ABCA2: variants seen among roughly 807,000 people sequenced by gnomAD.
The protein encoded by ABCA2 is ATP-binding cassette sub-family A member 2.
In ABCA2, 84 loss-of-function variants were observed where a neutral mutation model predicts 262.8. The ratio of observed to expected loss-of-function variants is 0.32; its 90% confidence interval spans 0.27 to 0.38. The LOEUF (loss-of-function observed/expected upper bound fraction) is 0.38. ABCA2 is among the 10% of genes least tolerant of loss of function. ABCA2 has a pLI of 1.00. For synonymous variants in ABCA2, 1,696 were observed against 1,502.9 expected, an observed-to-expected ratio of 1.13 and a Z score of -2.97; for missense variants, 2,662 against 3,405.9, an observed-to-expected ratio of 0.78 and a Z score of 5.44.
Position 137,015,769 on chromosome 9 carries a change from G to A in ABCA2, c.3420C>T (p.Gly1140=), listed in dbSNP as rs781193196. The A allele has an allele frequency of 1.9e-5, 30 of 1,612,266 alleles. No individual in the cohort carries two copies. Among genetic ancestry groups the A allele is most frequent in the South Asian group, 1.8e-4 (16 of 91,074 alleles). The part of the protein sequence containing the change: ...RKLSVAIAFV[G]GSRAIILDEP... ...CGTCCAGGATGATGGCGCGAGAGCCGCCCACGAAGGCGATGGCCACGGACA... is the reference window on the plus strand; with the variant it reads ...CGTCCAGGATGATGGCGCGAGAGCCACCCACGAAGGCGATGGCCACGGACA... The change falls in exon 23 of 49, where the codon GGC becomes GGT. Residue 1140 remains glycine (G), a synonymous_variant. Transcript: ENST00000341511.
rs752250283 is a variant in ABCA2, at chr9:137,012,978, C to G, written c.4867+24G>C. 4.2e-5 allele frequency: 62 copies of G among 1,480,646 alleles called. No homozygotes were observed. In the South Asian group the frequency reaches 5.6e-4, roughly 13 times the overall value. 91.7% of individuals were successfully genotyped at this position (1,480,646 alleles called of 1,614,324 possible). ...AGGACCCCTCACTGCCCCTGCCCCC[C>G]CAGCAGGCCCCCTGAACCACTACCT... is the stretch of plus-strand genomic sequence containing the variant. On this transcript the variant is annotated intron_variant, in intron 30 of 48. Coordinates refer to ENST00000341511, the MANE Select transcript of ABCA2 (RefSeq NM_001606.5).
In ABCA2 at chr9:137,011,216, C is replaced by G. The variant is rs750824892; in HGVS notation, c.5893G>C (p.Glu1965Gln). Residue 1965 changes from glutamate (E) to glutamine (Q), a missense_variant, in exon 38 of 49, where the codon GAG becomes CAG. Transcript: ENST00000341511. This position sits in a 1 kb window ranked among gnomAD's most constrained non-coding sequence, Gnocchi z 8.8. Reference protein sequence around the residue: ...GHGLMEMAYNEYINEYYAKIG... With the variant: ...GHGLMEMAYNQYINEYYAKIG... Reference sequence around the variant, plus strand: ...TTGGCGTAGTACTCGTTGATGTACTCGTTGTAGGCCATCTCCATGAGCCCG... The same window carrying G: ...TTGGCGTAGTACTCGTTGATGTACTGGTTGTAGGCCATCTCCATGAGCCCG... The G allele has an allele frequency of 3.7e-6, 6 of 1,612,522 alleles. No homozygotes were observed. The highest frequency in any genetic ancestry group is 5.1e-6 in the Non-Finnish European group (6 of 1,179,862).
At position 137,015,432 on chromosome 9, in the gene ABCA2, C is replaced by T. The variant is rs761458251; in HGVS notation, c.3679G>A (p.Glu1227Lys). 5.1e-6 allele frequency: 8 copies of T among 1,563,856 alleles called. No individual in the cohort carries two copies. The highest frequency in any genetic ancestry group is 2.3e-5 in the South Asian group (2 of 85,894). Residue 1227 changes from glutamate (E) to lysine (K), a missense_variant, in exon 24 of 49, where the codon GAG (glutamate) becomes AAG (lysine). This residue lies in a region of ABCA2 where 297 missense variants were observed against 286.5 expected (regional missense o/e 1.04). Coordinates refer to ENST00000341511, the MANE Select transcript of ABCA2 (RefSeq NM_001606.5). ...YRLTLVKRPA[E>K]PGGPQEPGLA... ...CACAGACCTTGGGGGCCCCCCGGCTCGGCGGGCCGCTTGACCAGCGTGAGG... is the reference window on the plus strand; with the variant it reads ...CACAGACCTTGGGGGCCCCCCGGCTTGGCGGGCCGCTTGACCAGCGTGAGG...
At chr9:137,010,947 C>A in intron 39 of ABCA2, 26 bp downstream of exon 39, 2 of 773,590 alleles carry the variant, frequency 2.6e-6, no homozygotes, top group Non-Finnish European at 4.2e-6. Flanking sequence ...CCGCCCCGCC[C>A]CCGCCCCACC....
chr9:137,016,827 C>T (rs144882751), intron 19 of ABCA2, 89 bp from the exon 20 acceptor site: 50 of 1,556,728 alleles, frequency 3.2e-5, no homozygotes, highest in African/African-American at 5.4e-5. Flanking sequence ...GGGAGCCACC[C>T]GTGCTGCATC....
chr9:137,017,761 T>C (rs1366439368), intron 16 of ABCA2, 26 bp downstream of exon 16: 1 of 1,610,880 alleles, frequency 6.2e-7, no homozygotes, highest in African/African-American at 1.3e-5. Flanking sequence ...AGCCCGCGCC[T>C]CCAGGGAGAG....
rs747278607 is a variant in ABCA2 at position 137,015,809 on chromosome 9, C to T, written c.3380G>A (p.Gly1127Asp). ...RHSLVQTLSG[G>D]MKRKLSVAIA... is the part of the protein sequence containing the mutation. ...GGCCACGGACAGCTTGCGCTTCATG[C>T]CACCCGACAATGTCTGCACCAGTGA... Residue 1127 changes from glycine (G) to aspartate (D), a missense_variant, in exon 23 of 49, where the codon GGC becomes GAC. This residue lies in a region of ABCA2 where 180 missense variants were observed against 307.3 expected (regional missense o/e 0.59). Coordinates refer to ENST00000341511, the MANE Select transcript of ABCA2 (RefSeq NM_001606.5). 1 of 1,612,344 alleles carries T rather than the reference C, an allele frequency of 6.2e-7. No homozygotes were observed. The highest frequency in any genetic ancestry group is 1.7e-5 in the Admixed American group (1 of 60,020).
chr9:137,023,732 G>C (rs191727635), intron 3 of ABCA2, 106 bp downstream of exon 3: 4 of 710,850 alleles, frequency 5.6e-6, no homozygotes, highest in East Asian at 2.7e-5. Context: ...CAGGGGGCCC[G>C]GGAGGGCTGT....
rs773807638 is a variant in ABCA2 at position 137,017,629 on chromosome 9, C to T, written c.2275G>A (p.Val759Met). ...GCTGTCACGGAGATGGACAGCTGCA[C>T]AAAGCCGGTGATGAACCAGGCCACC... ...HWVAWFITGF[V>M]QLSISVTALT... is the part of the protein sequence containing the mutation. The change falls in exon 17 of 49, where the codon GTG becomes ATG. Residue 759 changes from valine to methionine, a missense_variant. By Grantham distance (21) the Val-to-Met change is conservative (BLOSUM62 1). Coordinates refer to ENST00000341511, the MANE Select transcript of ABCA2 (RefSeq NM_001606.5). The T allele has an allele frequency of 1.4e-5, 22 of 1,612,772 alleles. 1 individual carries two copies. In the East Asian group the frequency reaches 2.2e-4, roughly 16 times the overall value.
At position 137,008,732 on chromosome 9, in the gene ABCA2, T is replaced by C. The variant is rs376935835; in HGVS notation, c.7067A>G (p.Asn2356Ser). Residue 2356 changes from asparagine (N) to serine (S), a missense_variant and splice_region_variant, in exon 47 of 49, where the codon AAT becomes AGT. Asn to Ser is a conservative substitution (Grantham distance 46, BLOSUM62 1). Around this residue, in one of 12 missense-constraint regions of ABCA2, gnomAD observed 212 missense variants for 214.4 expected, o/e 0.99. Transcript: ENST00000341511. ...GCGCAGTGCCCTTGGGGCGCTCACA[T>C]TGTCCAGTGTGGTCTGGCTGACCGA... The part of the protein sequence containing the change: ...DYSVSQTTLD[N>S]VFVNFAKKQS... 40 of 1,578,806 alleles carry C rather than the reference T, an allele frequency of 2.5e-5. No homozygotes were observed. The highest frequency in any genetic ancestry group is 3.3e-5 in the Non-Finnish European group (38 of 1,163,510).
At chr9:137,022,268 G>A (rs1564230017) in intron 6 of ABCA2, 83 bp downstream of exon 6, 18 of 1,477,530 alleles carry the variant, frequency 1.2e-5, no homozygotes, top group Non-Finnish European at 1.5e-5. Flanking sequence ...CTCAGGCTGA[G>A]CATCCTGAGG....
In ABCA2 at chr9:137,009,852, G is replaced by T. The variant is rs762331209; in HGVS notation, c.6547C>A (p.Pro2183Thr). 6.2e-7 allele frequency: 1 copy of T among 1,612,402 alleles called. No individual in the cohort carries two copies. The highest frequency in any genetic ancestry group is 1.7e-4 in the Middle Eastern group (1 of 6,054). ...KLELTKYADK[P>T]AGTYSGGNKR... ...TTGCCGCCGCTGTAGGTGCCAGCCG[G>T]CTTGTCTGCGTACTTGGTCAGCTCC... Residue 2183 changes from proline (P) to threonine (T), a missense_variant, in exon 43 of 49, where the codon CCG (proline) becomes ACG (threonine). Pro to Thr is a conservative substitution (Grantham distance 38, BLOSUM62 -1). Around this residue, in one of 12 missense-constraint regions of ABCA2, gnomAD observed 602 missense variants for 897.4 expected, o/e 0.67. Transcript: ENST00000341511.
chr9:137,017,581 C>G lies in ABCA2; in HGVS notation c.2323G>C (p.Gly775Arg). ...VTALTAILKYGQVLMHSHVVI... is the reference protein window; with the variant it reads ...VTALTAILKYRQVLMHSHVVI... ...ACGTGGCTGTGCATAAGCACCTGGC[C>G]GTACTTCAGGATGGCGGTGAGTGCT... The change falls in exon 17 of 49, where the codon GGC (glycine) becomes CGC (arginine). Residue 775 changes from glycine to arginine, a missense_variant. Gly to Arg is a moderately radical substitution (Grantham distance 125). Coordinates refer to ENST00000341511, the MANE Select transcript of ABCA2 (RefSeq NM_001606.5). The G allele has an allele frequency of 6.2e-7, 1 of 1,612,722 alleles. No individual in the cohort carries two copies.
Position 137,010,476 on chromosome 9 carries a change from G to A in ABCA2, c.6175-105C>T, listed in dbSNP as rs577814921. ...CCACCTCCAGAGCCCAGGGGGCCAC[G>A]TGCCCCACAGCCCCACCCCATGCAG... is the stretch of plus-strand genomic sequence containing the variant. On this transcript the variant is annotated intron_variant, in intron 40 of 48. Transcript: ENST00000341511. The A allele has an allele frequency of 8.1e-4, 868 of 1,072,378 alleles. 12 individuals are homozygous for A. The South Asian group carries it at 0.013, about 15-fold the overall frequency. The allele number at this position is 1,072,378 out of a possible 1,614,324, so 66.4% of individuals were successfully genotyped here. A position where few individuals can be genotyped will look rare whatever the true frequency, so the allele number is the denominator to read the frequency against.
At chr9:137,009,349 C>G in intron 45 of ABCA2, 21 bp downstream of exon 45, 3 of 1,563,832 alleles carry the variant, frequency 1.9e-6, no homozygotes, top group Non-Finnish European at 2.6e-6. Context: ...CCAGCCCACC[C>G]CTGGCCCTGC....
At chr9:137,026,240 A>G (rs566891829) in intron 1 of ABCA2, among the ~76,000 whole-genome samples, 1 of 152,324 alleles carries the variant, frequency 6.6e-6, no homozygotes, top group South Asian at 2.1e-4. Flanking sequence ...GCCTGCTAGC[A>G]GCACAGAGGT....
Position 137,020,900 on chromosome 9 carries a change from A to G in ABCA2, c.1059T>C (p.Thr353=). 6.4e-7 allele frequency: 1 copy of G among 1,558,008 alleles called. No homozygotes were observed. Among genetic ancestry groups the G allele is most frequent in the Non-Finnish European group, 8.7e-7 (1 of 1,150,954 alleles). Residue 353 remains threonine (T), a synonymous_variant, in exon 9 of 49, where the codon ACT becomes ACC. Coordinates refer to ENST00000341511, the MANE Select transcript of ABCA2 (RefSeq NM_001606.5). ...TGGCTGGGGGTCCGGGGGTCCGGCC[A>G]GTGCAGGCACCCTGGGGCAGTAGCA... ...LALLLPQGAC[T]GRTPGPPASG... is the part of the protein sequence containing the mutation.
In ABCA2 at chr9:137,017,360, G is replaced by C. The variant is rs1831298383; in HGVS notation, c.2403-14C>G. 2.5e-6 allele frequency: 4 copies of C among 1,612,032 alleles called. No individual in the cohort carries two copies. The East Asian group carries it at 8.9e-5, about 36-fold the overall frequency. On this transcript the variant is annotated splice_polypyrimidine_tract_variant and intron_variant, in intron 17 of 48. Coordinates refer to ENST00000341511, the MANE Select transcript of ABCA2 (RefSeq NM_001606.5). ...GACACCAGGAAGCTGGGTGGGCAGG[G>C]GCCACGCGCACCGTCATCCACCCGC...
In ABCA2 at chr9:137,016,758, G is replaced by C; in HGVS notation, c.2759-20C>G. The C allele has an allele frequency of 6.5e-7, 1 of 1,540,614 alleles. No homozygotes were observed. Among genetic ancestry groups the C allele is most frequent in the Non-Finnish European group, 8.7e-7 (1 of 1,147,586 alleles). On this transcript the variant is annotated intron_variant, in intron 19 of 48. Transcript: ENST00000341511. Reference sequence around the variant, plus strand: ...ACATGCCTGGGGGTCGGGGAGGGGAGGGGAGGCTGACCTAGGGCCTGGGGT... The same window carrying C: ...ACATGCCTGGGGGTCGGGGAGGGGACGGGAGGCTGACCTAGGGCCTGGGGT...
Sources: allele counts gnomAD v4.1 joint callset (sites outside exome capture counted in the v4.1 genomes callset), GRCh38; gene constraint gnomAD v4.1.1; regional missense constraint gnomAD v4.1.1; non-coding constraint Gnocchi (gnomAD v3.1); transcripts MANE v1.5; gene names NCBI Gene and HGNC (gene_info 2026-07-23, HGNC 2026-07-21).